Variants in ALG13 observed in about 807,000 individuals in gnomAD.
ALG13 encodes the protein UDP-N-acetylglucosamine transferase subunit ALG13.
ALG13 carries 11 observed loss-of-function variants against 87.8 expected under a neutral mutation model. The ratio of observed to expected loss-of-function variants is 0.13; its 90% CI spans 0.08 to 0.21. ALG13 has a LOEUF of 0.21. Among genes scored for constraint, ALG13 ranks in the 10% least tolerant of loss-of-function variants. The pLI, the probability that ALG13 is intolerant of heterozygous loss-of-function variation, is 1.00. For missense variants in ALG13, 756 were observed against 866.1 expected, an observed-to-expected ratio of 0.87 and a Z score of 1.60; for synonymous variants, 320 against 306.3, an observed-to-expected ratio of 1.04 and a Z score of -0.47.
chrX:111,727,805 T>G (rs758188907), intron 18 of ALG13, 35 bp downstream of exon 18: 153 of 1,134,569 alleles, frequency 1.3e-4, no homozygotes, highest in Non-Finnish European at 1.7e-4. Flanking sequence ...AAAAGCTGTT[T>G]ACTTTTTTCA....
intron 10 of ALG13, among the ~76,000 whole-genome samples, chrX:111,718,670 G>A (rs770260167): frequency 8.9e-6 from 1 of 112,024 alleles, no homozygotes; most frequent in African/African-American, 3.2e-5. Flanking sequence ...ATGTAGGTAG[G>A]CTGTGGATCA....
At chrX:111,711,553 G>C (rs1569516107) in intron 5 of ALG13, 122 bp from the exon 6 acceptor site, 6 of 576,676 alleles carry the variant, frequency 1.0e-5, no homozygotes, top group Non-Finnish European at 1.4e-5. Context: ...GCTGTGCAAA[G>C]TAGATACTTA....
chrX:111,711,550 A>G (rs987730774), intron 5 of ALG13, 125 bp from the exon 6 acceptor site: 1 of 555,279 alleles, frequency 1.8e-6, no homozygotes, highest in African/African-American at 2.4e-5. Flanking sequence ...GGTGCTGTGC[A>G]AAGTAGATAC....
At position 111,726,916 on chromosome X, in the gene ALG13, C is replaced by T. The variant is rs1251785247; in HGVS notation, c.1837C>T (p.Pro613Ser). 1.7e-6 allele frequency: 2 copies of T among 1,211,707 alleles called. No individual in the cohort carries two copies. Among genetic ancestry groups the T allele is most frequent in the Admixed American group, 2.2e-5 (1 of 46,048 alleles). Residue 613 changes from proline to serine, a missense_variant, in exon 16 of 27, where the codon CCC (proline) becomes TCC (serine). This residue lies in a region of ALG13 where 362 missense variants were observed against 383.5 expected (regional missense o/e 0.94). Transcript: ENST00000394780. ...CGGCAAGGGAGACCCCCTCCTCCCA[C>T]CCAGGCTGCAGCACAGTATGCATTA... is the stretch of plus-strand genomic sequence containing the variant. ...AYGKGDPLLP[P>S]RLQHSMHYGH...
chrX:111,751,736 G>A (rs1408945400), intron 24 of ALG13, among the ~76,000 whole-genome samples: 1 of 111,298 alleles, frequency 9.0e-6, no homozygotes, highest in Non-Finnish European at 1.9e-5. Flanking sequence ...AAAAAAAATG[G>A]CAATAAATGT....
At chrX:111,744,544 T>A (rs1456868517) in intron 23 of ALG13, 124 bp from the exon 24 acceptor site, 3 of 784,763 alleles carry the variant, frequency 3.8e-6, no homozygotes, top group South Asian at 2.6e-5. Context: ...AAGTTTTTTT[T>A]ATACCCAAAC....
intron 5 of ALG13, among the ~76,000 whole-genome samples, chrX:111,709,685 CTTTTTT>C (rs900487376): frequency 1.0e-5 from 1 of 97,026 alleles, no homozygotes; most frequent in African/African-American, 3.7e-5. Context: ...GCTTCCTTTT[CTTTTTT>C]TTTTTTTTAA....
In ALG13 at chrX:111,708,022, C is replaced by T. The variant is rs763318921; in HGVS notation, c.384-5C>T. On this transcript the variant is annotated splice_region_variant and splice_polypyrimidine_tract_variant and intron_variant, in intron 3 of 26. Coordinates refer to ENST00000394780, the MANE Select transcript of ALG13 (RefSeq NM_001099922.3). Reference sequence around the variant, plus strand: ...GAGGATTGGCTCTTCCTCTTCTTTTCACAGGGTCCTGACTTGTCCTGGGCA... The same window carrying T: ...GAGGATTGGCTCTTCCTCTTCTTTTTACAGGGTCCTGACTTGTCCTGGGCA... 7.1e-5 allele frequency: 85 copies of T among 1,194,243 alleles called. No homozygotes were observed. In the East Asian group the frequency reaches 1.8e-3, roughly 26 times the overall value.
intron 3 of ALG13, among the ~76,000 whole-genome samples, chrX:111,699,276 A>T (rs1326452493): frequency 9.2e-6 from 1 of 108,768 alleles, no homozygotes; most frequent in Non-Finnish European, 1.9e-5. Context: ...TTCCTTACAT[A>T]TTTGGATATT....
chrX:111,757,819 T>C (rs923220946), intron 26 of ALG13, 57 bp downstream of exon 26: 138 of 1,064,095 alleles, frequency 1.3e-4, no homozygotes, highest in Non-Finnish European at 1.7e-4. Flanking sequence ...TTGTGTGTAA[T>C]TCAATAATAG....
intron 23 of ALG13, among the ~76,000 whole-genome samples, chrX:111,744,021 A>G (rs1244300448): frequency 2.7e-5 from 3 of 111,863 alleles, no homozygotes; most frequent in Non-Finnish European, 5.6e-5. Flanking sequence ...TAATATTTAA[A>G]TATAATTACA....
intron 21 of ALG13, among the ~76,000 whole-genome samples, chrX:111,732,211 C>G (rs1942773309): frequency 9.0e-6 from 1 of 111,617 alleles, no homozygotes; most frequent in Admixed American, 9.5e-5. Context: ...AAGCACAATA[C>G]TAACATCATG....
intron 26 of ALG13, among the ~76,000 whole-genome samples, chrX:111,758,914 G>T (rs930175331): frequency 7.2e-5 from 8 of 111,324 alleles, no homozygotes; most frequent in African/African-American, 2.6e-4. Flanking sequence ...GACTTGCCAG[G>T]GTTGTTATAA....
At chrX:111,728,120 C>G (rs1942262726) in intron 18 of ALG13, 65 bp from the exon 19 acceptor site, 1 of 1,196,919 alleles carries the variant, frequency 8.4e-7, no homozygotes, top group African/African-American at 1.7e-5. Flanking sequence ...TTTAAAACAT[C>G]CCTCTAGCTT....
In ALG13 at chrX:111,746,856, T is replaced by A. The variant is rs1299221658; in HGVS notation, c.2932+1952T>A. 2.7e-5 allele frequency among the ~76,000 whole-genome samples: 3 copies of A among 111,908 alleles called. No homozygotes were observed. In the East Asian group the frequency reaches 8.4e-4, roughly 31 times the overall value. ...TCACCAACGTTTATTGTCGCCACAC[T>A]CCTTAACTTTATCCATTCTGGTGAC... On this transcript the variant is annotated intron_variant, in intron 24 of 26. Coordinates refer to ENST00000394780, the MANE Select transcript of ALG13 (RefSeq NM_001099922.3).
At chrX:111,693,164 C>CT (rs61239915) in intron 3 of ALG13, among the ~76,000 whole-genome samples, 1,371 of 54,993 alleles carry the variant, frequency 0.025, 10 homozygotes, top group Middle Eastern at 0.033. Flanking sequence ...GTTTTTAATT[C>CT]TTTTTTTTTT....
intron 5 of ALG13, among the ~76,000 whole-genome samples, chrX:111,710,023 ATTTCT>A (rs1939458508): frequency 9.5e-6 from 1 of 105,609 alleles, no homozygotes; most frequent in Non-Finnish European, 1.9e-5. Flanking sequence ...GGGGCCCGAG[ATTTCT>A]TTTTTTTTTT....
At chrX:111,682,403 T>A in intron 2 of ALG13, 109 bp downstream of exon 2, 1 of 604,583 alleles carries the variant, frequency 1.7e-6, no homozygotes, top group Non-Finnish European at 2.4e-6. Flanking sequence ...GTTACAAAGG[T>A]AAACGTGTGC....
intron 21 of ALG13, chrX:111,734,393 A>G (rs1943029967): frequency 3.6e-5 from 4 of 112,175 alleles, no homozygotes; most frequent in Admixed American, 2.8e-4. Flanking sequence ...TTGAACACAG[A>G]CTTTGGAATT....
Sources: gnomAD v4.1 joint callset for allele counts (sites outside exome capture counted in the v4.1 genomes callset) on GRCh38, gnomAD v4.1.1 for gene constraint, gnomAD v4.1.1 regional missense constraint, MANE v1.5 for transcripts, NCBI Gene and HGNC (gene_info 2026-07-23, HGNC 2026-07-21) for gene names.